Variants in PDE5A observed in about 807,000 individuals in gnomAD.
PDE5A encodes the protein cGMP-specific 3',5'-cyclic phosphodiesterase.
A neutral mutation model predicts 110.2 loss-of-function variants in PDE5A; 67 were observed. The ratio of observed to expected loss-of-function variants is 0.61; its 90% CI spans 0.50 to 0.75. The LOEUF (loss-of-function observed/expected upper bound fraction) is 0.75, where lower values mean the gene tolerates loss of function less well. Ranked by LOEUF, PDE5A falls within the 30% of genes least tolerant of loss-of-function variation. The probability of loss-of-function intolerance (pLI) is 0.00; values close to 1 mark genes in which losing one functional copy is unlikely to be tolerated. For synonymous variants in PDE5A, 328 were observed against 351.2 expected (o/e 0.93, Z 0.74); for missense variants, 862 against 1,045.1 (o/e 0.82, Z 2.42).
intron 2 of PDE5A, among the ~76,000 whole-genome samples, chr4:119,605,010 C>T (rs368331113): frequency 1.3e-5 from 2 of 152,186 alleles, no homozygotes; most frequent in African/African-American, 4.8e-5. Context: ...ATCCTCCCAA[C>T]TTGTAGCATT....
At chr4:119,580,369 C>A (rs539113174) in intron 3 of PDE5A, among the ~76,000 whole-genome samples, 1 of 152,178 alleles carries the variant, frequency 6.6e-6, no homozygotes, top group Non-Finnish European at 1.5e-5. Context: ...ATAGCCATTG[C>A]GAGCAAAGTC....
intron 7 of PDE5A, among the ~76,000 whole-genome samples, chr4:119,558,898 C>T (rs1727637460): frequency 8.9e-6 from 1 of 112,460 alleles, no homozygotes; most frequent in Non-Finnish European, 1.7e-5. Flanking sequence ...GCCTGGGCGA[C>T]AGAGCGAGAC....
intron 9 of PDE5A, chr4:119,552,138 C>G (rs1465060630): frequency 6.6e-6 from 1 of 152,160 alleles, no homozygotes; most frequent in East Asian, 1.9e-4. Flanking sequence ...TTGATTTATC[C>G]CAACTGCCAA....
chr4:119,500,960 A>C, intron 20 of PDE5A: 1 of 515,438 alleles, frequency 1.9e-6, no homozygotes, highest in Non-Finnish European at 3.4e-6. Flanking sequence ...AATTTGTTGG[A>C]GATTAGCACA....
chr4:119,519,461 G>T (rs1270350345), intron 13 of PDE5A: 17 of 164,994 alleles, frequency 1.0e-4, no homozygotes, highest in East Asian at 2.1e-4. Context: ...TTAAATAATT[G>T]TTTTTTTCCT....
chr4:119,501,933 C>CAA (rs1725352309), intron 19 of PDE5A, among the ~76,000 whole-genome samples: 1 of 151,082 alleles, frequency 6.6e-6, no homozygotes, highest in South Asian at 2.2e-4. Flanking sequence ...TTCACTATTA[C>CAA]AAACAGCACT....
At chr4:119,569,752 G>A (rs952239875) in intron 3 of PDE5A, 13 of 152,724 alleles carry the variant, frequency 8.5e-5, no homozygotes, top group African/African-American at 3.1e-4. Context: ...TATAACACAT[G>A]GAACAGGCAT....
chr4:119,584,045 T>C (rs903887925), intron 3 of PDE5A, among the ~76,000 whole-genome samples: 24 of 152,044 alleles, frequency 1.6e-4, no homozygotes, highest in African/African-American at 5.6e-4. Flanking sequence ...TGAGATGAGA[T>C]CTGGCGCACA....
At position 119,553,745 on chromosome 4, in the gene PDE5A, C is replaced by G; in HGVS notation, c.1201G>C (p.Glu401Gln). The G allele has an allele frequency of 6.6e-7, 1 of 1,524,704 alleles. No homozygotes were observed. The highest frequency in any genetic ancestry group is 2.3e-5 in the East Asian group (1 of 44,266). 94.4% of individuals were successfully genotyped at this position (1,524,704 alleles called of 1,614,324 possible). The part of the protein sequence containing the change: ...LEKSSDTLTR[E>Q]HDANKINYMY... The stretch of plus-strand genomic sequence containing the variant: ...TAATTGATTTTGTTTGCATCATGTT[C>G]CCTGTGAAAATAACAGATATGAGTT... The change falls in exon 8 of 21, where the codon GAA becomes CAA. Residue 401 changes from glutamate to glutamine, a missense_variant and splice_region_variant. Physicochemically the swap from Glu to Gln is conservative, Grantham distance 29. Transcript: ENST00000354960.
At chr4:119,625,104 G>A (rs958977285) in intron 1 of PDE5A, among the ~76,000 whole-genome samples, 1 of 150,574 alleles carries the variant, frequency 6.6e-6, no homozygotes, top group African/African-American at 2.4e-5. Context: ...TCTGCCTCCC[G>A]GGTTCAAGCG....
At chr4:119,515,192 C>T (rs1234681763) in intron 14 of PDE5A, among the ~76,000 whole-genome samples, 1 of 152,128 alleles carries the variant, frequency 6.6e-6, no homozygotes, top group African/African-American at 2.4e-5. Context: ...TCAAGATCTC[C>T]AACCTGACCA....
At chr4:119,560,911 G>A (rs760269038) in intron 6 of PDE5A, among the ~76,000 whole-genome samples, 22 of 152,196 alleles carry the variant, frequency 1.4e-4, no homozygotes, top group Non-Finnish European at 2.9e-4. Flanking sequence ...CTTGAGGCCA[G>A]GAATTTGAGA....
At chr4:119,518,615 C>T (rs971680513) in intron 14 of PDE5A, among the ~76,000 whole-genome samples, 1 of 152,206 alleles carries the variant, frequency 6.6e-6, no homozygotes, top group Non-Finnish European at 1.5e-5. Flanking sequence ...ACCAGTTTTC[C>T]AACAGAGTGC....
chr4:119,508,319 A>T (rs1305210461), intron 15 of PDE5A, among the ~76,000 whole-genome samples: 1 of 152,062 alleles, frequency 6.6e-6, no homozygotes, highest in East Asian at 1.9e-4. Flanking sequence ...AAATCATTCA[A>T]AGTTTTCACT....
At chr4:119,542,753 G>C in intron 9 of PDE5A, 119 bp from the exon 10 acceptor site, 2 of 853,414 alleles carry the variant, frequency 2.3e-6, no homozygotes, top group Non-Finnish European at 3.7e-6. Flanking sequence ...TTAGTATGTC[G>C]AAATAAGCAA....
intron 3 of PDE5A, among the ~76,000 whole-genome samples, chr4:119,590,738 A>G (rs1384981743): frequency 6.6e-6 from 1 of 152,224 alleles, no homozygotes; most frequent in Non-Finnish European, 1.5e-5. Flanking sequence ...AGAGGCAAAT[A>G]AAGAGCTTAG....
intron 15 of PDE5A, 94 bp from the exon 16 acceptor site, chr4:119,507,798 C>T: frequency 2.6e-6 from 2 of 757,934 alleles, no homozygotes; most frequent in Non-Finnish European, 2.2e-6. Flanking sequence ...AAACACATGC[C>T]CAGTATTCTA....
At chr4:119,507,779 A>G in intron 15 of PDE5A, 75 bp from the exon 16 acceptor site, 1 of 883,370 alleles carries the variant, frequency 1.1e-6, no homozygotes, top group South Asian at 1.5e-5. Flanking sequence ...AAATATATTC[A>G]CATATCTTAA....
At chr4:119,580,370 G>A (rs941007176) in intron 3 of PDE5A, among the ~76,000 whole-genome samples, 4 of 152,164 alleles carry the variant, frequency 2.6e-5, no homozygotes, top group Admixed American at 6.5e-5. Flanking sequence ...TAGCCATTGC[G>A]AGCAAAGTCT....
Sources: allele counts gnomAD v4.1 joint callset (sites outside exome capture counted in the v4.1 genomes callset), GRCh38; gene constraint gnomAD v4.1.1; transcripts MANE v1.5; gene names NCBI Gene and HGNC (gene_info 2026-07-23, HGNC 2026-07-21).